Variants in DACH2 observed in about 807,000 individuals in gnomAD.
DACH2 encodes the protein dachshund homolog 2.
In DACH2, 17 loss-of-function variants were observed where a neutral mutation model predicts 35.8. That is an observed-to-expected ratio of 0.48 (90% CI 0.33 to 0.71). DACH2 has a LOEUF of 0.71. Ranked by LOEUF, DACH2 falls within the 30% of genes least tolerant of loss-of-function variation. The probability of loss-of-function intolerance (pLI) is 0.02; values close to 1 mark genes in which losing one functional copy is unlikely to be tolerated. For synonymous variants in DACH2, 195 were observed against 177.3 expected (o/e 1.10, Z -0.79); for missense variants, 469 against 472.7 (o/e 0.99, Z 0.07).
chrX:86,500,827 C>T (rs1220115682), intron 2 of DACH2, among the ~76,000 whole-genome samples: 1 of 111,807 alleles, frequency 8.9e-6, no homozygotes, highest in Non-Finnish European at 1.9e-5. Context: ...TGTTAGATAG[C>T]CTCAACTCAA....
intron 9 of DACH2, among the ~76,000 whole-genome samples, chrX:86,813,961 C>T (rs1271878885): frequency 1.8e-5 from 2 of 111,801 alleles, no homozygotes; most frequent in Non-Finnish European, 3.8e-5. Context: ...ACTAGTAATG[C>T]ATTGCACTAG....
At chrX:86,695,580 G>A (rs753258067) in intron 5 of DACH2, among the ~76,000 whole-genome samples, 76 of 107,949 alleles carry the variant, frequency 7.0e-4, no homozygotes, top group Non-Finnish European at 1.3e-3. Flanking sequence ...GCGTGATCGC[G>A]GCTCATTGCA....
intron 2 of DACH2, among the ~76,000 whole-genome samples, chrX:86,418,194 T>A (rs1602498252): frequency 8.9e-6 from 1 of 111,986 alleles, no homozygotes; most frequent in East Asian, 2.8e-4. Flanking sequence ...ATTGAGTGTC[T>A]GGGGATTTTC....
intron 9 of DACH2, 69 bp downstream of exon 9, chrX:86,813,346 T>G: frequency 2.0e-6 from 2 of 984,458 alleles, no homozygotes; most frequent in Non-Finnish European, 2.7e-6. Flanking sequence ...AATGGAAATA[T>G]TCTCCAAGAT....
At chrX:86,565,553 G>A (rs1401743318) in intron 3 of DACH2, among the ~76,000 whole-genome samples, 1 of 111,660 alleles carries the variant, frequency 9.0e-6, no homozygotes, top group Non-Finnish European at 1.9e-5. Context: ...TTGACTGTGA[G>A]TATGTTGGGG....
intron 2 of DACH2, among the ~76,000 whole-genome samples, chrX:86,411,033 T>C (rs2036604323): frequency 2.4e-5 from 2 of 83,716 alleles, no homozygotes; most frequent in South Asian, 1.3e-3. Flanking sequence ...TATATATATA[T>C]ATATATGTAT....
At chrX:86,389,904 C>G (rs1021265799) in intron 2 of DACH2, among the ~76,000 whole-genome samples, 3 of 112,029 alleles carry the variant, frequency 2.7e-5, no homozygotes, top group African/African-American at 9.7e-5. Context: ...AATCTTAAAA[C>G]TAGACTAAAA....
intron 4 of DACH2, among the ~76,000 whole-genome samples, chrX:86,671,732 T>A (rs149793971): frequency 0.049 from 5,480 of 111,789 alleles, 144 homozygotes; most frequent in East Asian, 0.15. Context: ...TATAGCAATA[T>A]GAGAATGGAA....
At chrX:86,247,032 A>G (rs1300864845) in intron 1 of DACH2, among the ~76,000 whole-genome samples, 4 of 111,843 alleles carry the variant, frequency 3.6e-5, no homozygotes, top group Non-Finnish European at 7.5e-5. Context: ...TTGCTTTTTA[A>G]TTTCAGACAA....
At chrX:86,808,114 A>G (rs1185433578) in intron 7 of DACH2, among the ~76,000 whole-genome samples, 2 of 112,058 alleles carry the variant, frequency 1.8e-5, no homozygotes, top group African/African-American at 6.5e-5. Flanking sequence ...CCACATGAAC[A>G]TGATTCAAGC....
intron 1 of DACH2, among the ~76,000 whole-genome samples, chrX:86,162,709 A>G (rs2030806242): frequency 9.0e-6 from 1 of 111,571 alleles, no homozygotes; most frequent in African/African-American, 3.2e-5. Flanking sequence ...TTCATTTAGT[A>G]TTCTTGTAAA....
intron 7 of DACH2, among the ~76,000 whole-genome samples, chrX:86,811,274 A>G (rs919003220): frequency 8.9e-6 from 1 of 111,816 alleles, no homozygotes; most frequent in African/African-American, 3.2e-5. Context: ...GAAGTTTCCC[A>G]CAAATGAATG....
intron 2 of DACH2, among the ~76,000 whole-genome samples, chrX:86,409,171 A>G (rs980783565): frequency 2.7e-5 from 3 of 111,570 alleles, no homozygotes; most frequent in African/African-American, 9.8e-5. Context: ...ACAAGGCTGA[A>G]TAACTTTTAG....
chrX:86,548,634 C>T (rs943696161), intron 3 of DACH2, among the ~76,000 whole-genome samples: 1 of 111,741 alleles, frequency 8.9e-6, no homozygotes, highest in African/African-American at 3.3e-5. Flanking sequence ...ACTACTGACA[C>T]GTGAAACCCA....
At chrX:86,191,809 C>T (rs911013416) in intron 1 of DACH2, among the ~76,000 whole-genome samples, 3 of 110,016 alleles carry the variant, frequency 2.7e-5, no homozygotes, top group African/African-American at 9.9e-5. Context: ...AACGTGGTAG[C>T]GGGAACCTGT....
chrX:86,442,733 A>G (rs968392179), intron 2 of DACH2, among the ~76,000 whole-genome samples: 4 of 110,883 alleles, frequency 3.6e-5, no homozygotes, highest in Non-Finnish European at 7.6e-5. Context: ...TGTATATGCC[A>G]AGAGATAAGG....
At chrX:86,161,842 G>A (rs1048538812) in intron 1 of DACH2, among the ~76,000 whole-genome samples, 1 of 111,588 alleles carries the variant, frequency 9.0e-6, no homozygotes, top group Non-Finnish European at 1.9e-5. Context: ...TATTTTAGGG[G>A]CATGTTCTTT....
intron 2 of DACH2, among the ~76,000 whole-genome samples, chrX:86,445,635 G>A (rs1044461286): frequency 9.8e-6 from 1 of 101,580 alleles, no homozygotes; most frequent in Non-Finnish European, 2.0e-5. Context: ...TTATTAATGA[G>A]CATTTTTACA....
intron 1 of DACH2, among the ~76,000 whole-genome samples, chrX:86,217,441 A>G (rs2032603498): frequency 8.9e-6 from 1 of 111,915 alleles, no homozygotes; most frequent in Non-Finnish European, 1.9e-5. Context: ...AGCATGCTGT[A>G]AATTTATTAC....
Sources: gnomAD v4.1 joint callset for allele counts (sites outside exome capture counted in the v4.1 genomes callset) on GRCh38, gnomAD v4.1.1 for gene constraint, MANE v1.5 for transcripts, NCBI Gene and HGNC (gene_info 2026-07-23, HGNC 2026-07-21) for gene names.